The following CLEC16A variants were observed in gnomAD, a reference collection of about 807,000 sequenced individuals.
CLEC16A encodes C-type lectin domain containing 16A.
A neutral mutation model predicts 109.5 loss-of-function variants in CLEC16A; 51 were observed. The observed-to-expected ratio is 0.47, with a 90% CI of 0.37 to 0.59. CLEC16A has a LOEUF of 0.59. Ranked by LOEUF, CLEC16A falls within the 20% of genes least tolerant of loss-of-function variation. The pLI is 0.00. For synonymous variants in CLEC16A, 673 were observed against 564.2 expected, an observed-to-expected ratio of 1.19 and a Z score of -2.73; for missense variants, 1,339 against 1,394.0, an observed-to-expected ratio of 0.96 and a Z score of 0.63.
chr16:11,156,006 C>A (rs2054499788), intron 22 of CLEC16A, among the ~76,000 whole-genome samples: 1 of 152,130 alleles, frequency 6.6e-6, no homozygotes, highest in African/African-American at 2.4e-5. Flanking sequence ...GTACGGCCTC[C>A]CTGCTTCTGG....
At chr16:11,121,701 G>A (rs1001410285) in intron 20 of CLEC16A, among the ~76,000 whole-genome samples, 2 of 151,514 alleles carry the variant, frequency 1.3e-5, no homozygotes, top group African/African-American at 2.4e-5. Flanking sequence ...CCAACATGGT[G>A]AAACCCCGTC....
At chr16:10,985,260 G>T (rs2043573233) in intron 10 of CLEC16A, among the ~76,000 whole-genome samples, 1 of 149,964 alleles carries the variant, frequency 6.7e-6, no homozygotes, top group African/African-American at 2.5e-5. Context: ...TGCCTGCTGG[G>T]TTGCAAACTG....
At position 11,180,025 on chromosome 16, in the gene CLEC16A, C is replaced by T. The variant is rs1230021746; in HGVS notation, c.*1335C>T. Reference sequence around the variant, plus strand: ...CACCAGGGCCAGCGGCCCCTCACCTCTCTGGTCACTGGTGAGACCTTCCAC... The same window carrying T: ...CACCAGGGCCAGCGGCCCCTCACCTTTCTGGTCACTGGTGAGACCTTCCAC... On this transcript the variant is annotated 3_prime_UTR_variant, in exon 24 of 24. Coordinates refer to ENST00000409790, the MANE Select transcript of CLEC16A (RefSeq NM_015226.3). The T allele has an allele frequency of 6.5e-6, 1 of 152,702 alleles. No individual in the cohort carries two copies. The highest frequency in any genetic ancestry group is 2.4e-5 in the African/African-American group (1 of 41,598). 9.5% of individuals were successfully genotyped at this position (152,702 alleles called of 1,614,324 possible).
At chr16:11,131,780 C>A (rs1193615556) in intron 22 of CLEC16A, among the ~76,000 whole-genome samples, 1 of 152,216 alleles carries the variant, frequency 6.6e-6, no homozygotes, top group Non-Finnish European at 1.5e-5. Context: ...TGGTCCCATG[C>A]AGTCTGGCCC....
At chr16:11,022,705 C>CTG (rs1407199285) in intron 12 of CLEC16A, among the ~76,000 whole-genome samples, 1 of 151,890 alleles carries the variant, frequency 6.6e-6, no homozygotes, top group Non-Finnish European at 1.5e-5. Context: ...CGAGACCATC[C>CTG]TGGCTAACAC....
chr16:11,014,856 C>A (rs1007176532), intron 11 of CLEC16A, among the ~76,000 whole-genome samples: 5 of 152,200 alleles, frequency 3.3e-5, no homozygotes, highest in African/African-American at 9.6e-5. Context: ...TGGCACAGAA[C>A]CGTGCCAACT....
chr16:10,997,014 T>A (rs138045654), intron 10 of CLEC16A, among the ~76,000 whole-genome samples: 1 of 152,224 alleles, frequency 6.6e-6, no homozygotes. Context: ...CAGGCTGGAG[T>A]GCAGTGGCAC....
At chr16:11,175,903 AAG>A (rs1180550846) in intron 23 of CLEC16A, among the ~76,000 whole-genome samples, 1 of 152,244 alleles carries the variant, frequency 6.6e-6, no homozygotes, top group African/African-American at 2.4e-5. Flanking sequence ...GACTTGAGCA[AAG>A]AGAGAAAACA....
chr16:10,973,179 G>T lies in CLEC16A; in HGVS notation c.728+118G>T, dbSNP rs1043510455. 1.3e-5 allele frequency: 15 copies of T among 1,181,662 alleles called. No homozygotes were observed. The African/African-American group carries it at 2.2e-4, about 17-fold the overall frequency. 73.2% of individuals were successfully genotyped at this position (1,181,662 alleles called of 1,614,324 possible). ...ACTTCCCTACCTCTGTGTAGGCAGA[G>T]CATGGACTTCCGTACTGTAAAAGGT... On this transcript the variant is annotated intron_variant, in intron 7 of 23. Coordinates refer to ENST00000409790, the MANE Select transcript of CLEC16A (RefSeq NM_015226.3).
At chr16:11,131,767 C>T (rs1375866932) in intron 22 of CLEC16A, among the ~76,000 whole-genome samples, 1 of 152,176 alleles carries the variant, frequency 6.6e-6, no homozygotes, top group African/African-American at 2.4e-5. Flanking sequence ...TCTCTGTGGC[C>T]CATGGTCCCA....
At chr16:11,133,570 C>G (rs2053374548) in intron 22 of CLEC16A, among the ~76,000 whole-genome samples, 1 of 152,112 alleles carries the variant, frequency 6.6e-6, no homozygotes, top group Non-Finnish European at 1.5e-5. Flanking sequence ...GCTGAGCTGA[C>G]CGCAAAGCCT....
At chr16:11,013,130 C>T (rs747992901) in intron 11 of CLEC16A, among the ~76,000 whole-genome samples, 4 of 152,146 alleles carry the variant, frequency 2.6e-5, no homozygotes, top group South Asian at 4.1e-4. Context: ...GCAGACATGG[C>T]GAGAACATGC....
chr16:11,162,140 C>G (rs1218201389), intron 22 of CLEC16A, among the ~76,000 whole-genome samples: 1 of 152,234 alleles, frequency 6.6e-6, no homozygotes, highest in Non-Finnish European at 1.5e-5. Flanking sequence ...GAGCGTTATT[C>G]ATTAGTTCAT....
intron 10 of CLEC16A, among the ~76,000 whole-genome samples, chr16:10,997,640 T>C (rs1187119931): frequency 2.0e-5 from 3 of 152,358 alleles, no homozygotes; most frequent in Non-Finnish European, 1.5e-5. Flanking sequence ...GCTGGTAATA[T>C]CTAAATAGTG....
intron 13 of CLEC16A, chr16:11,026,887 A>T (rs1459725113): frequency 1.4e-6 from 1 of 724,096 alleles, no homozygotes. Flanking sequence ...TCAATGGCTC[A>T]CTATGGCTAA....
chr16:11,039,617 AAAG>A, intron 13 of CLEC16A, 134 bp from the exon 14 acceptor site: 1 of 1,124,160 alleles, frequency 8.9e-7, no homozygotes, highest in Non-Finnish European at 1.2e-6. Flanking sequence ...AAAAAAAAGA[AAAG>A]AAAAAGGAAA....
chr16:11,092,757 TGTC>T (rs2050384433), intron 19 of CLEC16A, among the ~76,000 whole-genome samples: 1 of 152,252 alleles, frequency 6.6e-6, no homozygotes, highest in Non-Finnish European at 1.5e-5. Flanking sequence ...GGACTGGGTC[TGTC>T]GTCTATGAGC....
chr16:10,955,146 T>G (rs76421970), intron 1 of CLEC16A, among the ~76,000 whole-genome samples: 2,485 of 152,344 alleles, frequency 0.016, 61 homozygotes, highest in African/African-American at 0.056. Context: ...AGCCCAAGTC[T>G]GTCTGCCAGA....
chr16:11,048,552 T>C (rs1320197880), intron 17 of CLEC16A: 1 of 152,198 alleles, frequency 6.6e-6, no homozygotes, highest in Non-Finnish European at 1.5e-5. Context: ...GCTCCTTGGC[T>C]TCGCAGCCCA....
Sources: gnomAD v4.1 joint callset for allele counts (sites outside exome capture counted in the v4.1 genomes callset) on GRCh38, gnomAD v4.1.1 for gene constraint, MANE v1.5 for transcripts, NCBI Gene and HGNC (gene_info 2026-07-23, HGNC 2026-07-21) for gene names.